The following TBATA variants were observed in gnomAD, a reference collection of about 807,000 sequenced individuals.
TBATA encodes protein TBATA.
A neutral mutation model predicts 38.7 loss-of-function variants in TBATA; 47 were observed. That is an observed-to-expected ratio of 1.21 (90% CI 0.96 to 1.55). TBATA has a LOEUF of 1.55. Among genes scored for constraint, TBATA ranks in the 40% most tolerant of loss-of-function variants. TBATA has a pLI of 0.00. For synonymous variants in TBATA, 183 were observed against 170.5 expected (o/e 1.07, Z -0.57); for missense variants, 436 against 435.6 (o/e 1.00, Z -0.01).
rs1399128428 is a variant in TBATA at position 70,772,538 on chromosome 10, G to A, written c.949C>T (p.Pro317Ser). Residue 317 changes from proline to serine, a missense_variant, in exon 10 of 11, where the codon CCT becomes TCT. Pro to Ser is a moderately conservative substitution (Grantham distance 74). Coordinates refer to ENST00000456372, the MANE Select transcript of TBATA (RefSeq NM_001318241.2). The stretch of plus-strand genomic sequence containing the variant: ...CCTGGTTTTTCGCTTTTTGTAAAAG[G>A]TGATATCTTCGTTTTCTTCGGGGAT... The part of the protein sequence containing the change: ...SQSPKKTKIS[P>S]FTKSEKPEYI... 5.6e-6 allele frequency: 9 copies of A among 1,614,168 alleles called. No homozygotes were observed. Among genetic ancestry groups the A allele is most frequent in the Admixed American group, 1.7e-5 (1 of 60,014 alleles).
chr10:70,772,495 C>A lies in TBATA; in HGVS notation c.973+19G>T. 6.2e-7 allele frequency: 1 copy of A among 1,613,578 alleles called. No individual in the cohort carries two copies. Among genetic ancestry groups the A allele is most frequent in the Non-Finnish European group, 8.5e-7 (1 of 1,179,492 alleles). On this transcript the variant is annotated intron_variant, in intron 10 of 10. Transcript: ENST00000456372. The stretch of plus-strand genomic sequence containing the variant: ...GGCCTTGGTGAGTCCCCCAAATGAC[C>A]CACTACTTGGAATCTTACCTGGTTT...
intron 6 of TBATA, among the ~76,000 whole-genome samples, chr10:70,778,187 A>G (rs1843670108): frequency 6.6e-6 from 1 of 152,058 alleles, no homozygotes. Flanking sequence ...GCTCCTCCCC[A>G]CATGCAAAGT....
Position 70,774,359 on chromosome 10 carries a change from T to C in TBATA, c.776-2A>G, listed in dbSNP as rs1357504823. On this transcript the variant is annotated splice_acceptor_variant, in intron 8 of 10. Transcript: ENST00000456372. LOFTEE classifies it high-confidence loss of function. Reference sequence around the variant, plus strand: ...GGAGTCCCAGAGCGAGGTCTTTTTCTGAAAGCACAGCCCGGGGGCAGTGTC... The same window carrying C: ...GGAGTCCCAGAGCGAGGTCTTTTTCCGAAAGCACAGCCCGGGGGCAGTGTC... The C allele has an allele frequency of 1.9e-6, 3 of 1,587,484 alleles. No homozygotes were observed. The highest frequency in any genetic ancestry group is 1.8e-5 in the Admixed American group (1 of 54,434).
At chr10:70,772,979 T>C (rs946854115) in intron 9 of TBATA, among the ~76,000 whole-genome samples, 2 of 152,226 alleles carry the variant, frequency 1.3e-5, no homozygotes, top group African/African-American at 2.4e-5. Flanking sequence ...GTATGAAAGA[T>C]GCTCTTCCGT....
rs1475649509 is a variant in TBATA, at chr10:70,771,613, A to G, written c.974-152T>C. The G allele has an allele frequency of 1.6e-5, 11 of 686,136 alleles. No individual in the cohort carries two copies. The East Asian group carries it at 2.9e-4, about 18-fold the overall frequency. 42.5% of individuals were successfully genotyped at this position (686,136 alleles called of 1,614,324 possible). ...TGCTGGTGACCGAGGAGGGAATCCA[A>G]CCTGAGAGGAATGGAGCGAATGGAA... On this transcript the variant is annotated intron_variant, in intron 10 of 10. Coordinates refer to ENST00000456372, the MANE Select transcript of TBATA (RefSeq NM_001318241.2).
rs1285618248 is a variant in TBATA, at chr10:70,774,357, T to C, written c.776A>G (p.Glu259Gly). Residue 259 changes from glutamate to glycine, a missense_variant and splice_region_variant, in exon 9 of 11, where the codon GAA becomes GGA. Glu to Gly is a moderately conservative substitution (Grantham distance 98, BLOSUM62 -2). Transcript: ENST00000456372. ...CAGGAGTCCCAGAGCGAGGTCTTTT[T>C]CTGAAAGCACAGCCCGGGGGCAGTG... ...QFWLLYAPPK[E>G]KDLALGLLQT... 6.3e-7 allele frequency: 1 copy of C among 1,589,356 alleles called. No individual in the cohort carries two copies. The highest frequency in any genetic ancestry group is 8.6e-7 in the Non-Finnish European group (1 of 1,168,772).
intron 6 of TBATA, among the ~76,000 whole-genome samples, chr10:70,778,075 A>G (rs1486203045): frequency 6.6e-6 from 1 of 152,190 alleles, no homozygotes; most frequent in Non-Finnish European, 1.5e-5. Context: ...TTATCATCAA[A>G]TGGCACCCAT....
intron 7 of TBATA, 36 bp downstream of exon 7, chr10:70,777,117 A>G: frequency 1.2e-6 from 2 of 1,601,086 alleles, no homozygotes; most frequent in South Asian, 1.1e-5. Context: ...CCTAATGTGG[A>G]GAGCCAGGAG....
At chr10:70,782,398 A>C in intron 3 of TBATA, 5 of 1,307,918 alleles carry the variant, frequency 3.8e-6, no homozygotes, top group Non-Finnish European at 5.0e-6. Context: ...CCTTATATAC[A>C]TCCCTGGGGA....
chr10:70,775,072 A>T (rs1376992258), intron 8 of TBATA, 117 bp downstream of exon 8: 2 of 929,894 alleles, frequency 2.2e-6, no homozygotes, highest in Non-Finnish European at 3.3e-6. Flanking sequence ...AGAGGCCTCC[A>T]TGGAAGGCCC....
rs527584868 is a variant in TBATA, at chr10:70,778,593, G to A, written c.471C>T (p.Ala157=). The stretch of plus-strand genomic sequence containing the variant: ...TCAGTTCATCCTCCTTGGTGAGGAA[G>A]GCCACCCGGGAAGCTAGCTCCTTCA... ...KELKELASRV[A]FLTKEDELKK... The change falls in exon 6 of 11, where the codon GCC becomes GCT. Residue 157 remains alanine, a synonymous_variant. Transcript: ENST00000456372. 4.2e-5 allele frequency: 68 copies of A among 1,614,188 alleles called. No homozygotes were observed. In the South Asian group the frequency reaches 7.0e-4, roughly 17 times the overall value.
intron 4 of TBATA, 140 bp from the exon 5 acceptor site, chr10:70,779,882 G>T: frequency 1.1e-6 from 1 of 913,968 alleles, no homozygotes; most frequent in Non-Finnish European, 1.6e-6. Context: ...ATCAGAGCTG[G>T]GAGGGCATTG....
chr10:70,773,555 G>A (rs1009658147), intron 9 of TBATA, among the ~76,000 whole-genome samples: 1 of 152,094 alleles, frequency 6.6e-6, no homozygotes, highest in African/African-American at 2.4e-5. Context: ...AGTGCTGCTG[G>A]CTTTGGGAGT....
intron 7 of TBATA, among the ~76,000 whole-genome samples, chr10:70,775,592 C>T (rs1364100803): frequency 6.6e-6 from 1 of 151,200 alleles, no homozygotes; most frequent in African/African-American, 2.4e-5. Flanking sequence ...TTCTGTGGAC[C>T]CCACATCCCT....
intron 6 of TBATA, among the ~76,000 whole-genome samples, chr10:70,778,314 C>T (rs1244474655): frequency 6.6e-6 from 1 of 152,104 alleles, no homozygotes; most frequent in East Asian, 1.9e-4. Context: ...ACTCCTCAGT[C>T]CCCTTGTGAA....
intron 3 of TBATA, chr10:70,782,249 T>A (rs904607744): frequency 7.0e-7 from 1 of 1,433,434 alleles, no homozygotes; most frequent in Non-Finnish European, 9.5e-7. Flanking sequence ...TAGTCTTCCT[T>A]ATCAGGGAGC....
At chr10:70,775,159 TGA>T in intron 8 of TBATA, 28 bp downstream of exon 8, 1 of 1,589,640 alleles carries the variant, frequency 6.3e-7, no homozygotes, top group Non-Finnish European at 8.6e-7. Flanking sequence ...CAGCCTCCAC[TGA>T]GACAGTGCTG....
intron 9 of TBATA, among the ~76,000 whole-genome samples, chr10:70,772,798 C>G (rs1226576004): frequency 6.6e-6 from 1 of 152,130 alleles, no homozygotes; most frequent in Non-Finnish European, 1.5e-5. Context: ...GTGGCCCTGC[C>G]GTCTGCAGTT....
intron 2 of TBATA, among the ~76,000 whole-genome samples, 152 bp from the exon 3 acceptor site, chr10:70,783,677 C>G (rs1844542225): frequency 6.6e-6 from 1 of 152,138 alleles, no homozygotes; most frequent in Admixed American, 6.6e-5. Flanking sequence ...TTCAAAATAG[C>G]AAAAACCTGG....
Sources: allele counts gnomAD v4.1 joint callset (sites outside exome capture counted in the v4.1 genomes callset), GRCh38; gene constraint gnomAD v4.1.1; transcripts MANE v1.5; gene names NCBI Gene and HGNC (gene_info 2026-07-23, HGNC 2026-07-21).